The following CTNNA2 variants were observed in gnomAD, a reference collection of about 807,000 sequenced individuals.
The protein encoded by CTNNA2 is catenin alpha 2, also known as catenin alpha-2.
Under a neutral mutation model 101.0 loss-of-function variants are expected in CTNNA2, and 42 were observed. The ratio of observed to expected loss-of-function variants is 0.42; its 90% CI spans 0.32 to 0.54. CTNNA2 has a LOEUF of 0.54. CTNNA2 is among the 20% of genes least tolerant of loss of function. CTNNA2 has a pLI of 0.14. For missense variants in CTNNA2, 871 were observed against 1,223.1 expected (o/e 0.71, Z 4.29); for synonymous variants, 450 against 456.4 (o/e 0.99, Z 0.18).
chr2:80,433,678 A>T (rs1681756752), intron 9 of CTNNA2, among the ~76,000 whole-genome samples: 1 of 152,036 alleles, frequency 6.6e-6, no homozygotes, highest in Non-Finnish European at 1.5e-5. Context: ...TCTGCCCTTG[A>T]ATTTTGCCTT....
chr2:79,873,388 C>T (rs1182975057), intron 5 of CTNNA2, among the ~76,000 whole-genome samples: 1 of 152,106 alleles, frequency 6.6e-6, no homozygotes, highest in Non-Finnish European at 1.5e-5. Flanking sequence ...AAAACTAGGG[C>T]TCCCTGCTGT....
chr2:79,508,993 AT>A (rs1327049070), upstream of CTNNA2, among the ~76,000 whole-genome samples: 1 of 75,046 alleles, frequency 1.3e-5, no homozygotes, highest in Non-Finnish European at 2.8e-5. Flanking sequence ...ATATATATAT[AT>A]ATATATATAT....
chr2:79,302,296 G>A (rs575406330), intron 2 of CTNNA2, among the ~76,000 whole-genome samples: 23 of 151,714 alleles, frequency 1.5e-4, no homozygotes, highest in Non-Finnish European at 2.2e-4. Context: ...TTCTCTCCTT[G>A]GCAATACTGG....
At chr2:80,191,295 C>T (rs1706484505) in intron 7 of CTNNA2, among the ~76,000 whole-genome samples, 1 of 152,206 alleles carries the variant, frequency 6.6e-6, no homozygotes, top group Non-Finnish European at 1.5e-5. Context: ...CACTTCCTAT[C>T]AGTATTCCAA....
chr2:79,394,189 T>C (rs1678205439), intron 4 of CTNNA2, among the ~76,000 whole-genome samples: 1 of 152,080 alleles, frequency 6.6e-6, no homozygotes, highest in Non-Finnish European at 1.5e-5. Flanking sequence ...TTTATTTGTT[T>C]GTTTCTTTTT....
At chr2:79,793,932 TAAAAC>T (rs140454831) in intron 3 of CTNNA2, among the ~76,000 whole-genome samples, 7,219 of 126,776 alleles carry the variant, frequency 0.057, 586 homozygotes, top group African/African-American at 0.2. Flanking sequence ...AAGAAGGAGA[TAAAAC>T]ATACAAGAAT....
chr2:80,523,996 T>G (rs1173694637), intron 9 of CTNNA2, among the ~76,000 whole-genome samples: 1 of 152,132 alleles, frequency 6.6e-6, no homozygotes, highest in Non-Finnish European at 1.5e-5. Flanking sequence ...AAGCATAGCA[T>G]AAGACTTTTT....
chr2:79,302,118 G>GTAAA (rs200230820), intron 2 of CTNNA2, among the ~76,000 whole-genome samples: 1,875 of 150,066 alleles, frequency 0.012, 27 homozygotes, highest in African/African-American at 0.026. Flanking sequence ...AAATAAATAA[G>GTAAA]TAAATAAATA....
Position 79,603,917 on chromosome 2 carries a change from G to A in CTNNA2, c.-5-47635G>A, listed in dbSNP as rs566457754. Among the ~76,000 whole-genome samples, 67 of 152,262 alleles carry A rather than the reference G, an allele frequency of 4.4e-4. No homozygotes were observed. The South Asian group carries it at 7.7e-3, about 17-fold the overall frequency. ...CAACTGGCATTGGTTAAATGGTGAG[G>A]TCATGTGTGGGCATGAAAGCTCCAT... is the stretch of plus-strand genomic sequence containing the variant. On this transcript the variant is annotated intron_variant, in intron 1 of 18. Transcript: ENST00000402739.
chr2:80,206,940 A>C (rs1707570035), intron 7 of CTNNA2, among the ~76,000 whole-genome samples: 1 of 152,166 alleles, frequency 6.6e-6, no homozygotes, highest in South Asian at 2.1e-4. Flanking sequence ...CCAACTGATA[A>C]GCAATTAGAA....
rs1168813756 is a variant in CTNNA2, at chr2:80,303,720, C to T, written c.1057-89491C>T. The stretch of plus-strand genomic sequence containing the variant: ...AGCTGCGGGCACCCGCTGGGGGCGG[C>T]GGGCAGCATCTGAAAGCAGGCCCCC... On this transcript the variant is annotated intron_variant, in intron 7 of 18. Transcript: ENST00000402739. The surrounding 1 kb of genome is among the most constrained non-coding windows in gnomAD (Gnocchi z 7.7). 1 of 1,605,766 alleles carries T rather than the reference C, an allele frequency of 6.2e-7. No homozygotes were observed. The highest frequency in any genetic ancestry group is 1.7e-5 in the Admixed American group (1 of 59,460).
intron 9 of CTNNA2, among the ~76,000 whole-genome samples, chr2:80,515,778 A>T (rs1689064568): frequency 6.6e-6 from 1 of 152,224 alleles, no homozygotes; most frequent in Admixed American, 6.5e-5. Flanking sequence ...GCAGAAGGGG[A>T]TGATGGCCAA....
intron 7 of CTNNA2, among the ~76,000 whole-genome samples, chr2:80,332,272 G>A (rs1671405501): frequency 6.6e-6 from 1 of 152,166 alleles, no homozygotes; most frequent in Non-Finnish European, 1.5e-5. Context: ...ATTAAGTCCT[G>A]TGCACATCAT....
intron 7 of CTNNA2, among the ~76,000 whole-genome samples, chr2:80,368,385 G>A (rs770079115): frequency 3.3e-5 from 5 of 152,174 alleles, no homozygotes; most frequent in Non-Finnish European, 5.9e-5. Context: ...GTAGAGGACA[G>A]AAATTGTCTC....
At position 80,606,175 on chromosome 2, in the gene CTNNA2, C is replaced by T. The variant is rs114559424; in HGVS notation, c.2295+1996C>T. Reference sequence around the variant, plus strand: ...AGGACTTCTTGGGAGTGAAAATGAGCGGAGTTTGAATGGCTGTTTCATTAC... The same window carrying T: ...AGGACTTCTTGGGAGTGAAAATGAGTGGAGTTTGAATGGCTGTTTCATTAC... On this transcript the variant is annotated intron_variant, in intron 16 of 18. Coordinates refer to ENST00000402739, the MANE Select transcript of CTNNA2 (RefSeq NM_001282597.3). Among the ~76,000 whole-genome samples, 1,427 of 151,856 alleles carry T rather than the reference C, an allele frequency of 9.4e-3. 13 individuals are homozygous for T. Among genetic ancestry groups the T allele is most frequent in the Non-Finnish European group, 0.014 (917 of 67,852 alleles).
intron 8 of CTNNA2, among the ~76,000 whole-genome samples, chr2:80,410,599 T>A (rs945576293): frequency 1.4e-4 from 21 of 152,232 alleles, no homozygotes; most frequent in Non-Finnish European, 2.9e-5. Flanking sequence ...TTCTAGCTTA[T>A]GTAAAAAGTG....
intron 3 of CTNNA2, among the ~76,000 whole-genome samples, chr2:79,320,755 A>G (rs1027075030): frequency 6.6e-6 from 1 of 152,174 alleles, no homozygotes; most frequent in Admixed American, 6.5e-5. Context: ...GGCCTATGGT[A>G]GCCTTTTTCA....
chr2:79,389,633 A>C (rs1678144895), intron 4 of CTNNA2, among the ~76,000 whole-genome samples: 2 of 152,328 alleles, frequency 1.3e-5, no homozygotes. Context: ...AGTGTCATGC[A>C]CAGAAAATGA....
intron 3 of CTNNA2, among the ~76,000 whole-genome samples, chr2:79,326,753 G>C (rs1385345566): frequency 6.6e-6 from 1 of 152,160 alleles, no homozygotes; most frequent in African/African-American, 2.4e-5. Context: ...AGAGCTTCAA[G>C]TTGTGTTTTT....
Sources: gnomAD v4.1 joint callset for allele counts (sites outside exome capture counted in the v4.1 genomes callset) on GRCh38, gnomAD v4.1.1 for gene constraint, Gnocchi (gnomAD v3.1) non-coding constraint, MANE v1.5 for transcripts, NCBI Gene and HGNC (gene_info 2026-07-23, HGNC 2026-07-21) for gene names.